SH3RF1: variants seen among roughly 807,000 people sequenced by gnomAD.
The protein encoded by SH3RF1 is SH3 domain containing ring finger 1.
SH3RF1 carries 32 observed loss-of-function variants against 74.0 expected under a neutral mutation model. That is an observed-to-expected ratio of 0.43 (90% CI 0.33 to 0.58). The LOEUF (loss-of-function observed/expected upper bound fraction) is 0.58, where lower values mean the gene tolerates loss of function less well. Ranked by LOEUF, SH3RF1 falls within the 20% of genes least tolerant of loss-of-function variation. The pLI, the probability that SH3RF1 is intolerant of heterozygous loss-of-function variation, is 0.05. For missense variants in SH3RF1, 954 were observed against 1,130.9 expected, an observed-to-expected ratio of 0.84 and a Z score of 2.24; for synonymous variants, 396 against 439.6, an observed-to-expected ratio of 0.90 and a Z score of 1.24.
rs1251256405 is a variant in SH3RF1, at chr4:169,269,120, C to T, written c.93G>A (p.Thr31=). Residue 31 remains threonine (T), a synonymous_variant, in exon 2 of 12, where the codon ACG becomes ACA. Transcript: ENST00000284637. The part of the protein sequence containing the change: ...ASAKVLPCQH[T]FCKRCLLGIV... ...TCCCCAGCAAACATCGCTTGCAAAACGTATGCTGGCAAGGCAAGACCTTCG... is the reference window on the plus strand; with the variant it reads ...TCCCCAGCAAACATCGCTTGCAAAATGTATGCTGGCAAGGCAAGACCTTCG... 2 of 1,613,986 alleles carry T rather than the reference C, an allele frequency of 1.2e-6. No individual in the cohort carries two copies. Among genetic ancestry groups the T allele is most frequent in the East Asian group, 2.2e-5 (1 of 44,894 alleles).
intron 2 of SH3RF1, among the ~76,000 whole-genome samples, chr4:169,214,171 G>C (rs969746028): frequency 6.6e-6 from 1 of 152,192 alleles, no homozygotes; most frequent in African/African-American, 2.4e-5. Flanking sequence ...GCTTGGTACT[G>C]TCCTTGCAAT....
At chr4:169,245,073 T>C (rs1730973682) in intron 2 of SH3RF1, among the ~76,000 whole-genome samples, 1 of 152,216 alleles carries the variant, frequency 6.6e-6, no homozygotes, top group African/African-American at 2.4e-5. Context: ...TAAAATAATA[T>C]ATCTATCATG....
chr4:169,187,010 C>T lies in SH3RF1; in HGVS notation c.394-30331G>A, dbSNP rs1192887330. On this transcript the variant is annotated intron_variant, in intron 2 of 11. Transcript: ENST00000284637. ...GCCTGGGGACAGAGCGAGGCTCCAT[C>T]GCAAAAAAAAAAAAATGAAAAAGAA... Among the ~76,000 whole-genome samples, 10 of 94,480 alleles carry T rather than the reference C, an allele frequency of 1.1e-4. No individual in the cohort carries two copies. The South Asian group carries it at 3.5e-3, about 33-fold the overall frequency. 62.0% of individuals were successfully genotyped at this position (94,480 alleles called of 152,430 possible). A position where few individuals can be genotyped will look rare whatever the true frequency, so the allele number is the denominator to read the frequency against.
At chr4:169,215,843 G>A (rs1410182773) in intron 2 of SH3RF1, among the ~76,000 whole-genome samples, 8 of 151,148 alleles carry the variant, frequency 5.3e-5, no homozygotes, top group Non-Finnish European at 1.2e-4. Context: ...TCACTTCATC[G>A]CACAGGCTGG....
intron 2 of SH3RF1, among the ~76,000 whole-genome samples, chr4:169,185,730 C>A (rs907486991): frequency 3.3e-5 from 5 of 152,150 alleles, no homozygotes; most frequent in Admixed American, 3.3e-4. Context: ...CTCCTTTACT[C>A]CCCAGTCTTC....
chr4:169,240,205 C>CA (rs1730885503), intron 2 of SH3RF1, among the ~76,000 whole-genome samples: 1 of 149,924 alleles, frequency 6.7e-6, no homozygotes, highest in Non-Finnish European at 1.5e-5. Context: ...ATTTTTTTTT[C>CA]TTTTTTTTTG....
chr4:169,207,094 G>A (rs769014479), intron 2 of SH3RF1, among the ~76,000 whole-genome samples: 1 of 152,074 alleles, frequency 6.6e-6, no homozygotes, highest in Non-Finnish European at 1.5e-5. Flanking sequence ...AAATAGCGGG[G>A]CTACAAGTGG....
chr4:169,171,798 T>A (rs1176846574), intron 2 of SH3RF1, among the ~76,000 whole-genome samples: 1 of 152,168 alleles, frequency 6.6e-6, no homozygotes, highest in Non-Finnish European at 1.5e-5. Context: ...TGAAATGTGA[T>A]ACAAGAAATG....
chr4:169,255,354 C>T (rs1471427173), intron 2 of SH3RF1, among the ~76,000 whole-genome samples: 2 of 152,074 alleles, frequency 1.3e-5, no homozygotes, highest in Non-Finnish European at 2.9e-5. Context: ...CAGTAAAGTA[C>T]ATAAATGCAT....
At chr4:169,198,440 T>C (rs1166850934) in intron 2 of SH3RF1, among the ~76,000 whole-genome samples, 2 of 149,608 alleles carry the variant, frequency 1.3e-5, no homozygotes, top group African/African-American at 2.5e-5. Context: ...CTTTAAAATA[T>C]ACACATTTGT....
At chr4:169,097,100 G>C (rs1484838347) in intron 11 of SH3RF1, among the ~76,000 whole-genome samples, 1 of 152,136 alleles carries the variant, frequency 6.6e-6, no homozygotes, top group African/African-American at 2.4e-5. Flanking sequence ...GAGCAGGGGG[G>C]GTTCAGTCCT....
Position 169,136,405 on chromosome 4 carries a change from G to T in SH3RF1, c.981C>A (p.Ser327Arg), listed in dbSNP as rs202243296. The T allele has an allele frequency of 6.2e-7, 1 of 1,606,146 alleles. No homozygotes were observed. Among genetic ancestry groups the T allele is most frequent in the East Asian group, 2.2e-5 (1 of 44,856 alleles). ...ASQNRHSMEISPPVLISSSNP... is the reference protein window; with the variant it reads ...ASQNRHSMEIRPPVLISSSNP... ...TGCTGGAGCTGATGAGGACAGGGGG[G>T]CTGATCTCCATGGAGTGGCGGTTCT... Residue 327 changes from serine (S) to arginine (R), a missense_variant, in exon 5 of 12, where the codon AGC becomes AGA. Ser to Arg is a moderately radical substitution (Grantham distance 110, BLOSUM62 -1). Around this residue, in one of 3 missense-constraint regions of SH3RF1, gnomAD observed 854 missense variants for 962.5 expected, o/e 0.89. Transcript: ENST00000284637.
Position 169,107,160 on chromosome 4 carries a change from T to G in SH3RF1, c.2185A>C (p.Lys729Gln). Residue 729 changes from lysine (K) to glutamine (Q), a missense_variant, in exon 11 of 12, where the codon AAA (lysine) becomes CAA (glutamine). This residue lies in a region of SH3RF1 where 854 missense variants were observed against 962.5 expected (regional missense o/e 0.89). Coordinates refer to ENST00000284637, the MANE Select transcript of SH3RF1 (RefSeq NM_020870.4). ...LLKLLSGAST[K>Q]RKPRVSPPAS... ...GGAGGAGACACGCGGGGCTTCCGTT[T>G]AGTGGAGGCGCCAGAAAGCAACTTC... 4 of 1,572,054 alleles carry G rather than the reference T, an allele frequency of 2.5e-6. No individual in the cohort carries two copies. The highest frequency in any genetic ancestry group is 3.4e-6 in the Non-Finnish European group (4 of 1,160,644).
chr4:169,155,391 G>A (rs1734033692), intron 4 of SH3RF1, 89 bp downstream of exon 4: 2 of 966,282 alleles, frequency 2.1e-6, no homozygotes, highest in Non-Finnish European at 1.6e-6. Flanking sequence ...TTTTTGTTGT[G>A]AGGACTTCTT....
At chr4:169,209,331 G>A (rs1020283493) in intron 2 of SH3RF1, among the ~76,000 whole-genome samples, 1 of 151,740 alleles carries the variant, frequency 6.6e-6, no homozygotes. Context: ...GAAAAAGAGT[G>A]TCCTTTCAGC....
chr4:169,098,119 G>GA (rs1231997333), intron 11 of SH3RF1, among the ~76,000 whole-genome samples: 4 of 152,242 alleles, frequency 2.6e-5, no homozygotes, highest in Non-Finnish European at 5.9e-5. Flanking sequence ...GTGACCCACA[G>GA]AAAGTGTGAA....
rs779554419 is a variant in SH3RF1 at position 169,122,125 on chromosome 4, A to T, written c.1321T>A (p.Leu441Ile). 31 of 1,612,882 alleles carry T rather than the reference A, an allele frequency of 1.9e-5. No individual in the cohort carries two copies. The highest frequency in any genetic ancestry group is 2.6e-5 in the Non-Finnish European group (31 of 1,180,000). ...ACACTGGGGCGAGTCTGCGGCCGTA[A>T]ATGTGCAATCTGGTCAGTGGATCCT... ...MAGSTDQIAHLRPQTRPSVYV... is the reference protein window; with the variant it reads ...MAGSTDQIAHIRPQTRPSVYV... The change falls in exon 7 of 12, where the codon TTA (leucine) becomes ATA (isoleucine). Residue 441 changes from leucine to isoleucine, a missense_variant. By Grantham distance (5) the Leu-to-Ile change is conservative (BLOSUM62 2). Around this residue, in one of 3 missense-constraint regions of SH3RF1, gnomAD observed 854 missense variants for 962.5 expected, o/e 0.89. Coordinates refer to ENST00000284637, the MANE Select transcript of SH3RF1 (RefSeq NM_020870.4).
chr4:169,209,326 A>T, intron 2 of SH3RF1, among the ~76,000 whole-genome samples: 1 of 151,960 alleles, frequency 6.6e-6, no homozygotes, highest in East Asian at 1.9e-4. Context: ...TTATAGAAAA[A>T]GAGTGTCCTT....
In SH3RF1 at chr4:169,268,848, C is replaced by G. The variant is rs570364503; in HGVS notation, c.365G>C (p.Arg122Pro). Residue 122 changes from arginine (R) to proline (P), a missense_variant, in exon 2 of 12, where the codon CGG becomes CCG. Coordinates refer to ENST00000284637, the MANE Select transcript of SH3RF1 (RefSeq NM_020870.4). ...LQSSQGGQQP[R>P]VQSWSPPVRG... ...CACTGGGGGGCTCCAGGATTGCACC[C>G]GAGGCTGCTGTCCGCCCTGGGAGCT... 122 of 1,606,794 alleles carry G rather than the reference C, an allele frequency of 7.6e-5. 2 individuals are homozygous for G. The South Asian group carries it at 1.3e-3, about 17-fold the overall frequency.
Sources: gnomAD v4.1 joint callset for allele counts (sites outside exome capture counted in the v4.1 genomes callset) on GRCh38, gnomAD v4.1.1 for gene constraint, gnomAD v4.1.1 regional missense constraint, MANE v1.5 for transcripts, NCBI Gene and HGNC (gene_info 2026-07-23, HGNC 2026-07-21) for gene names.